TENM3: variants seen among roughly 807,000 people sequenced by gnomAD.
The protein encoded by TENM3 is teneurin transmembrane protein 3, also known as teneurin-3.
A neutral mutation model predicts 255.1 loss-of-function variants in TENM3; 63 were observed. The ratio of observed to expected loss-of-function variants is 0.25; its 90% CI spans 0.20 to 0.30. The LOEUF is 0.30. Ranked by LOEUF, TENM3 falls within the 10% of genes least tolerant of loss-of-function variation. TENM3 has a pLI of 1.00. For synonymous variants in TENM3, 1,306 were observed against 1,322.3 expected (o/e 0.99, Z 0.27); for missense variants, 2,929 against 3,461.1 (o/e 0.85, Z 3.86).
chr4:182,308,351 C>G (rs141590992), intron 1 of TENM3, among the ~76,000 whole-genome samples: 2,173 of 152,030 alleles, frequency 0.014, 51 homozygotes, highest in Admixed American at 0.062. Flanking sequence ...GGGTCTCACT[C>G]TGTCACCCAG....
chr4:182,118,651 G>A, the TENM3 span, among the ~76,000 whole-genome samples: 1 of 151,916 alleles, frequency 6.6e-6, no homozygotes, highest in South Asian at 2.1e-4. Context: ...CTAGTTTACT[G>A]AGAGGTTTTC....
chr4:181,682,264 G>T, the TENM3 span, among the ~76,000 whole-genome samples: 1 of 152,158 alleles, frequency 6.6e-6, no homozygotes, highest in Non-Finnish European at 1.5e-5. Context: ...CATTAAGCCA[G>T]CTAGAGTCTG....
the TENM3 span, among the ~76,000 whole-genome samples, chr4:181,941,309 A>ATT: frequency 1.0e-5 from 1 of 99,612 alleles, no homozygotes; most frequent in African/African-American, 4.2e-5. Context: ...CTTTTGTTTG[A>ATT]TGTTTTTTTT....
chr4:182,661,664 T>A (rs987535718), intron 6 of TENM3, among the ~76,000 whole-genome samples: 11 of 152,218 alleles, frequency 7.2e-5, no homozygotes, highest in African/African-American at 2.7e-4. Flanking sequence ...TAAAAAGATA[T>A]GTTCTCTCAG....
the TENM3 span, among the ~76,000 whole-genome samples, chr4:181,843,530 T>C: frequency 6.6e-6 from 1 of 152,194 alleles, no homozygotes; most frequent in Non-Finnish European, 1.5e-5. Context: ...AAGTGTTGTC[T>C]GCAGAATGAA....
chr4:181,825,116 A>C, the TENM3 span, among the ~76,000 whole-genome samples: 1 of 152,210 alleles, frequency 6.6e-6, no homozygotes, highest in South Asian at 2.1e-4. Context: ...TTTTTAAAAG[A>C]TTCAGGCTGG....
chr4:181,534,900 C>T, the TENM3 span, among the ~76,000 whole-genome samples: 2 of 152,152 alleles, frequency 1.3e-5, no homozygotes, highest in South Asian at 2.1e-4. Flanking sequence ...AACTTCCCTC[C>T]TCTCTTCTCC....
At chr4:181,786,949 A>G in the TENM3 span, among the ~76,000 whole-genome samples, 3 of 152,216 alleles carry the variant, frequency 2.0e-5, no homozygotes, top group Non-Finnish European at 2.9e-5. Context: ...ATCTGACCAG[A>G]AAGGGCTCTC....
Position 182,738,514 on chromosome 4 carries a change from G to C in TENM3, c.3349G>C (p.Asp1117His), listed in dbSNP as rs1000450871. ...GTCCAACATGGGTGGCTGGACATTA[G>C]ATAAACATCACGTGCTGGATGTACA... Reference protein sequence around the residue: ...DASNMGGWTLDKHHVLDVQNG... With the variant: ...DASNMGGWTLHKHHVLDVQNG... The change falls in exon 18 of 28, where the codon GAT becomes CAT. Residue 1117 changes from aspartate (D) to histidine (H), a missense_variant. Physicochemically the swap from Asp to His is moderately conservative, Grantham distance 81. Coordinates refer to ENST00000511685, the MANE Select transcript of TENM3 (RefSeq NM_001080477.4). The C allele has an allele frequency of 3.1e-6, 5 of 1,613,156 alleles. No individual in the cohort carries two copies. Among genetic ancestry groups the C allele is most frequent in the Non-Finnish European group, 4.2e-6 (5 of 1,179,530 alleles).
chr4:181,571,167 G>A, the TENM3 span, among the ~76,000 whole-genome samples: 5 of 152,102 alleles, frequency 3.3e-5, no homozygotes, highest in African/African-American at 9.7e-5. Flanking sequence ...TATCTGAGTA[G>A]TGCATTTCTT....
intron 3 of TENM3, among the ~76,000 whole-genome samples, chr4:182,554,566 ATGTG>A (rs144765082): frequency 1.3e-5 from 2 of 151,358 alleles, no homozygotes; most frequent in Admixed American, 6.6e-5. Flanking sequence ...GTGTGCACGT[ATGTG>A]TGTGTGTGTG....
chr4:182,518,966 T>C (rs1308397898), intron 3 of TENM3, among the ~76,000 whole-genome samples: 1 of 152,202 alleles, frequency 6.6e-6, no homozygotes, highest in African/African-American at 2.4e-5. Context: ...TTTTTCTAAT[T>C]CTCACTGCAG....
chr4:182,255,238 AAC>A (rs1468355188), intron 1 of TENM3, among the ~76,000 whole-genome samples: 1 of 152,114 alleles, frequency 6.6e-6, no homozygotes, highest in Non-Finnish European at 1.5e-5. Context: ...GAAGCCTTCT[AAC>A]ACAGTTTTGA....
chr4:182,159,600 C>A (rs936109920), intron 1 of TENM3, among the ~76,000 whole-genome samples: 17 of 152,106 alleles, frequency 1.1e-4, no homozygotes, highest in Non-Finnish European at 1.5e-5. Context: ...TTTGGCCTGT[C>A]ACCTAGAATC....
At chr4:182,268,604 A>G (rs1396059166) in intron 1 of TENM3, among the ~76,000 whole-genome samples, 1 of 152,172 alleles carries the variant, frequency 6.6e-6, no homozygotes, top group African/African-American at 2.4e-5. Context: ...GCTCAGCAGA[A>G]AATACAGATC....
At chr4:181,958,983 T>G in the TENM3 span, among the ~76,000 whole-genome samples, 1 of 152,198 alleles carries the variant, frequency 6.6e-6, no homozygotes, top group Non-Finnish European at 1.5e-5. Flanking sequence ...AATACACAAG[T>G]ATAATTATAC....
At chr4:182,162,744 C>T (rs1399885518) in intron 1 of TENM3, among the ~76,000 whole-genome samples, 2 of 152,192 alleles carry the variant, frequency 1.3e-5, no homozygotes, top group Admixed American at 1.3e-4. Context: ...CCAGAGGAGA[C>T]AAGCTCTGTG....
At chr4:181,715,467 G>A in the TENM3 span, among the ~76,000 whole-genome samples, 3 of 152,106 alleles carry the variant, frequency 2.0e-5, no homozygotes, top group East Asian at 5.8e-4. Context: ...CTCTTAGCTG[G>A]TGATTCAAAA....
At chr4:181,889,053 A>G in the TENM3 span, among the ~76,000 whole-genome samples, 3 of 152,132 alleles carry the variant, frequency 2.0e-5, no homozygotes, top group Non-Finnish European at 1.5e-5. Context: ...CCCTTAGCCC[A>G]CTAAAGTTGA....
Sources: gnomAD v4.1 joint callset for allele counts (sites outside exome capture counted in the v4.1 genomes callset) on GRCh38, gnomAD v4.1.1 for gene constraint, MANE v1.5 for transcripts, NCBI Gene and HGNC (gene_info 2026-07-23, HGNC 2026-07-21) for gene names.